LRRC75B: variants seen among roughly 807,000 people sequenced by gnomAD.
The protein encoded by LRRC75B is leucine rich repeat containing 75B.
In LRRC75B, 20 loss-of-function variants were observed where a neutral mutation model predicts 16.5. The ratio of observed to expected loss-of-function variants is 1.21; its 90% confidence interval spans 0.85 to 1.76. LRRC75B has a LOEUF of 1.76. Ranked by LOEUF, LRRC75B falls within the 40% of genes most tolerant of loss-of-function variation. The pLI is 0.00. For missense variants in LRRC75B, 406 were observed against 417.0 expected, an observed-to-expected ratio of 0.97 and a Z score of 0.23; for synonymous variants, 199 against 198.1, an observed-to-expected ratio of 1.00 and a Z score of -0.04.
chr22:24,588,659 A>G, intron 2 of LRRC75B: 1 of 1,138,316 alleles, frequency 8.8e-7, no homozygotes, highest in Non-Finnish European at 1.1e-6. Flanking sequence ...GCCCACCCTC[A>G]GCACCCTTCG....
intron 1 of LRRC75B, among the ~76,000 whole-genome samples, chr22:24,591,976 A>G (rs542630031): frequency 1.3e-5 from 2 of 151,472 alleles, no homozygotes; most frequent in African/African-American, 4.8e-5. Flanking sequence ...CTTGCCCCAC[A>G]TTTTCTCTGT....
At chr22:24,586,906 C>T (rs750754525) in intron 3 of LRRC75B, among the ~76,000 whole-genome samples, 17 of 152,206 alleles carry the variant, frequency 1.1e-4, no homozygotes, top group Non-Finnish European at 1.8e-4. Flanking sequence ...GAAAATGGGA[C>T]GTGGTTGTTG....
Position 24,586,354 on chromosome 22 carries a change from G to GA in LRRC75B, c.479_480insT (p.Ile161HisfsTer34). ...GCACGTCCTGTGTCGACAGCGGGAT[G>GA]CCTGAGAGGTCCACAGTCTCCCCTG... On this transcript the variant is annotated frameshift_variant, in exon 4 of 4. Transcript: ENST00000318753. LOFTEE classifies it low-confidence loss of function (END_TRUNC). 1 of 1,613,882 alleles carries GA rather than the reference G, an allele frequency of 6.2e-7. No individual in the cohort carries two copies. Among genetic ancestry groups the GA allele is most frequent in the Non-Finnish European group, 8.5e-7 (1 of 1,180,048 alleles).
At chr22:24,586,453 C>T (rs2147148865) in intron 3 of LRRC75B, 42 bp from the exon 4 acceptor site, 2 of 1,573,854 alleles carry the variant, frequency 1.3e-6, no homozygotes, top group South Asian at 1.2e-5. Context: ...GGCAACCAGG[C>T]AGTCCCCCCA....
intron 1 of LRRC75B, among the ~76,000 whole-genome samples, chr22:24,590,438 A>AGGG (rs1389919265): frequency 6.6e-6 from 1 of 152,124 alleles, no homozygotes; most frequent in African/African-American, 2.4e-5. Context: ...GGATAAGTAG[A>AGGG]GGGGAGGGAC....
At position 24,586,033 on chromosome 22, in the gene LRRC75B, C is replaced by G. The variant is rs773358848; in HGVS notation, c.801G>C (p.Leu267=). Residue 267 remains leucine, a synonymous_variant, in exon 4 of 4, where the codon CTG becomes CTC. Transcript: ENST00000318753. ...TGGTGGGGAGTGAGGTGCGCTGGCT[C>G]AGCCGCCGGCGCAGGCCGACCAGCA... The part of the protein sequence containing the change: ...QPLLVGLRRR[L]SQRTSLPTIY... 4.3e-6 allele frequency: 7 copies of G among 1,611,178 alleles called. No individual in the cohort carries two copies. Among genetic ancestry groups the G allele is most frequent in the Non-Finnish European group, 5.9e-6 (7 of 1,179,904 alleles).
intron 1 of LRRC75B, chr22:24,592,260 G>C (rs926135970): frequency 1.1e-5 from 5 of 464,434 alleles, no homozygotes; most frequent in African/African-American, 8.0e-5. Flanking sequence ...CGAGTGTTGT[G>C]ATGCACAGAT....
intron 2 of LRRC75B, chr22:24,588,706 C>T: frequency 9.3e-7 from 1 of 1,080,852 alleles, no homozygotes; most frequent in East Asian, 6.5e-5. Flanking sequence ...AGACCAGGCC[C>T]CTCGAGGGAG....
At chr22:24,587,863 G>A (rs145929929) in intron 3 of LRRC75B, among the ~76,000 whole-genome samples, 2 of 152,204 alleles carry the variant, frequency 1.3e-5, no homozygotes, top group Non-Finnish European at 2.9e-5. Flanking sequence ...CCCGCAACCT[G>A]TTGGGAAGTC....
At chr22:24,587,162 G>T (rs2045419148) in intron 3 of LRRC75B, among the ~76,000 whole-genome samples, 1 of 152,174 alleles carries the variant, frequency 6.6e-6, no homozygotes, top group South Asian at 2.1e-4. Flanking sequence ...TTTTAGGGTA[G>T]GGAGAAATTC....
intron 1 of LRRC75B, 183 bp downstream of exon 1, chr22:24,592,680 G>C (rs2045606668): frequency 1.8e-6 from 2 of 1,133,216 alleles, no homozygotes; most frequent in Non-Finnish European, 2.3e-6. Flanking sequence ...TCTCGCCCAC[G>C]CAAGACCCCG....
chr22:24,589,599 A>G (rs1427884741), intron 2 of LRRC75B: 3 of 580,896 alleles, frequency 5.2e-6, no homozygotes, highest in Non-Finnish European at 8.3e-6. Flanking sequence ...GGGTCTGCCC[A>G]GGACTCTGAG....
At chr22:24,587,241 G>A (rs1278897983) in intron 3 of LRRC75B, among the ~76,000 whole-genome samples, 1 of 152,224 alleles carries the variant, frequency 6.6e-6, no homozygotes, top group East Asian at 1.9e-4. Context: ...CCACAGTAGT[G>A]AAAGGGGAGG....
At position 24,592,996 on chromosome 22, in the gene LRRC75B, G is replaced by A. The variant is rs1425404837; in HGVS notation, c.44C>T (p.Ser15Phe). 8 of 1,148,130 alleles carry A rather than the reference G, an allele frequency of 7.0e-6. No homozygotes were observed. The highest frequency in any genetic ancestry group is 4.8e-5 in the Admixed American group (1 of 20,892). The allele number at this position is 1,148,130 out of a possible 1,614,324, so 71.1% of individuals were successfully genotyped here. ...LGRRAGPEAG[S>F]EAGAAAGCGP... is the part of the protein sequence containing the mutation. Reference sequence around the variant, plus strand: ...GCAGCCGGCCGCCGCCCCGGCCTCAGAGCCAGCCTCGGGCCCGGCCCGCCG... The same window carrying A: ...GCAGCCGGCCGCCGCCCCGGCCTCAAAGCCAGCCTCGGGCCCGGCCCGCCG... Residue 15 changes from serine to phenylalanine, a missense_variant, in exon 1 of 4, where the codon TCT (serine) becomes TTT (phenylalanine). Physicochemically the swap from Ser to Phe is radical, Grantham distance 155 (BLOSUM62 -2). Coordinates refer to ENST00000318753, the MANE Select transcript of LRRC75B (RefSeq NM_207644.3).
chr22:24,589,052 C>T, intron 2 of LRRC75B: 1 of 1,025,876 alleles, frequency 9.7e-7, no homozygotes, highest in Non-Finnish European at 1.2e-6. Flanking sequence ...CCTGTGATGG[C>T]CGTGGGCTAG....
In LRRC75B at chr22:24,588,206, A is replaced by T; in HGVS notation, c.422+8T>A. ...AGTGAGGAGGGGCAGTGGCTGGGCT[A>T]CCCTTACCAGCTCTGGGTCTTCCTC... On this transcript the variant is annotated splice_region_variant and intron_variant, in intron 3 of 3. Coordinates refer to ENST00000318753, the MANE Select transcript of LRRC75B (RefSeq NM_207644.3). 1 of 1,606,460 alleles carries T rather than the reference A, an allele frequency of 6.2e-7. No homozygotes were observed. The highest frequency in any genetic ancestry group is 8.5e-7 in the Non-Finnish European group (1 of 1,175,102).
chr22:24,589,926 G>A lies in LRRC75B; in HGVS notation c.201C>T (p.Leu67=), dbSNP rs1158486378. ...LRQDLGLERT[L]LPDILYRDVA... is the part of the protein sequence containing the mutation. Reference sequence around the variant, plus strand: ...CATCTCTGTAGAGGATATCAGGAAGGAGGGTCCTCTCAAGGCCCAGGTCCT... The same window carrying A: ...CATCTCTGTAGAGGATATCAGGAAGAAGGGTCCTCTCAAGGCCCAGGTCCT... The change falls in exon 2 of 4, where the codon CTC becomes CTT. Residue 67 remains leucine, a synonymous_variant. Transcript: ENST00000318753. 1 of 1,608,750 alleles carries A rather than the reference G, an allele frequency of 6.2e-7. No individual in the cohort carries two copies. The highest frequency in any genetic ancestry group is 1.1e-5 in the South Asian group (1 of 89,880).
chr22:24,586,110 C>T lies in LRRC75B; in HGVS notation c.724G>A (p.Ala242Thr). Residue 242 changes from alanine (A) to threonine (T), a missense_variant, in exon 4 of 4, where the codon GCT (alanine) becomes ACT (threonine). Ala to Thr is a moderately conservative substitution (Grantham distance 58). Coordinates refer to ENST00000318753, the MANE Select transcript of LRRC75B (RefSeq NM_207644.3). ...ACGTTGTTGCCCAGGTCCACCCAAGCCAAAGCAGGGAACTTGGTGGTGTCC... is the reference window on the plus strand; with the variant it reads ...ACGTTGTTGCCCAGGTCCACCCAAGTCAAAGCAGGGAACTTGGTGGTGTCC... Reference protein sequence around the residue: ...IKDTTKFPALAWVDLGNNVDV... With the variant: ...IKDTTKFPALTWVDLGNNVDV... 6.2e-7 allele frequency: 1 copy of T among 1,613,020 alleles called. No homozygotes were observed. Among genetic ancestry groups the T allele is most frequent in the Non-Finnish European group, 8.5e-7 (1 of 1,179,966 alleles).
Position 24,589,198 on chromosome 22 carries a change from A to C in LRRC75B, c.306+623T>G, listed in dbSNP as rs532005762. On this transcript the variant is annotated intron_variant, in intron 2 of 3. Coordinates refer to ENST00000318753, the MANE Select transcript of LRRC75B (RefSeq NM_207644.3). ...GTCCGGTGGCTGGTCACAGCCACACATCCTGGGGCTGTGTCGATGCTCATG... is the reference window on the plus strand; with the variant it reads ...GTCCGGTGGCTGGTCACAGCCACACCTCCTGGGGCTGTGTCGATGCTCATG... 7.4e-6 allele frequency: 9 copies of C among 1,211,688 alleles called. No homozygotes were observed. In the East Asian group the frequency reaches 6.8e-4, roughly 91 times the overall value. The allele number at this position is 1,211,688 out of a possible 1,614,324, so 75.1% of individuals were successfully genotyped here. A position where few individuals can be genotyped will look rare whatever the true frequency, so the allele number is the denominator to read the frequency against.
Sources: allele counts gnomAD v4.1 joint callset (sites outside exome capture counted in the v4.1 genomes callset), GRCh38; gene constraint gnomAD v4.1.1; transcripts MANE v1.5; gene names NCBI Gene and HGNC (gene_info 2026-07-23, HGNC 2026-07-21).